The following NOTCH2 variants were observed in gnomAD, a reference collection of about 807,000 sequenced individuals.
NOTCH2 encodes the protein neurogenic locus notch homolog protein 2.
Under a neutral mutation model 235.8 loss-of-function variants are expected in NOTCH2, and 29 were observed. That is an observed-to-expected ratio of 0.12 (90% CI 0.09 to 0.17). NOTCH2 has a LOEUF of 0.17. Among genes scored for constraint, NOTCH2 ranks in the 10% least tolerant of loss-of-function variants. The probability of loss-of-function intolerance (pLI) is 1.00; values close to 1 mark genes in which losing one functional copy is unlikely to be tolerated. For missense variants in NOTCH2, 2,285 were observed against 3,150.2 expected (o/e 0.73, Z 6.57); for synonymous variants, 1,086 against 1,141.5 (o/e 0.95, Z 0.98).
intron 12 of NOTCH2, among the ~76,000 whole-genome samples, chr1:119,958,511 T>C (rs1237764930): frequency 6.6e-6 from 1 of 152,182 alleles, no homozygotes; most frequent in Non-Finnish European, 1.5e-5. Context: ...ATGGAAATTA[T>C]TAAAGGGTAA....
At chr1:119,960,274 G>A (rs587594018) in intron 11 of NOTCH2, among the ~76,000 whole-genome samples, 1 of 152,116 alleles carries the variant, frequency 6.6e-6, no homozygotes, top group East Asian at 1.9e-4. Flanking sequence ...ATCTATCACT[G>A]TGAGCTTGAC....
intron 12 of NOTCH2, 144 bp from the exon 13 acceptor site, chr1:119,955,376 A>C: frequency 1.3e-6 from 1 of 767,936 alleles, no homozygotes; most frequent in Non-Finnish European, 2.3e-6. Flanking sequence ...GTAAGGAATT[A>C]GACACCCAAT....
intron 1 of NOTCH2, among the ~76,000 whole-genome samples, chr1:120,031,116 C>T (rs1386674998): frequency 2.0e-5 from 3 of 151,602 alleles, no homozygotes; most frequent in Non-Finnish European, 4.4e-5. Context: ...CTAACCACAC[C>T]ACTCTATGCA....
chr1:120,047,967 C>A (rs1654859950), intron 1 of NOTCH2, among the ~76,000 whole-genome samples: 1 of 150,206 alleles, frequency 6.7e-6, no homozygotes, highest in Non-Finnish European at 1.5e-5. Flanking sequence ...GGGGTTTTGC[C>A]ACATTGGCCA....
At chr1:119,921,959 A>G in intron 28 of NOTCH2, 150 bp from the exon 29 acceptor site, 2 of 770,556 alleles carry the variant, frequency 2.6e-6, no homozygotes, top group East Asian at 2.7e-5. Context: ...TTTTGGTGAC[A>G]TTCCCTTGGC....
intron 1 of NOTCH2, among the ~76,000 whole-genome samples, chr1:120,041,055 A>G (rs1393555170): frequency 2.5e-4 from 28 of 112,672 alleles, no homozygotes; most frequent in Middle Eastern, 3.8e-3. Context: ...AAAAAAAAAA[A>G]AAAAAAAAAA....
chr1:119,960,010 T>C (rs1392792051), intron 11 of NOTCH2, among the ~76,000 whole-genome samples: 3 of 152,230 alleles, frequency 2.0e-5, no homozygotes, highest in African/African-American at 4.8e-5. Context: ...GCATGCCAAG[T>C]ATGAGAGTTG....
In NOTCH2 at chr1:119,980,788, A is replaced by G. The variant is rs116587939; in HGVS notation, c.874+6172T>C. On this transcript the variant is annotated intron_variant, in intron 5 of 33. Coordinates refer to ENST00000256646, the MANE Select transcript of NOTCH2 (RefSeq NM_024408.4). ...GGCAAGCTGAACAAATAACGCAGTA[A>G]GAGAAGTAAAATATTACAGGAGCTG... 7.9e-3 allele frequency among the ~76,000 whole-genome samples: 1,209 copies of G among 152,268 alleles called. 16 individuals are homozygous for G. The highest frequency in any genetic ancestry group is 0.026 in the African/African-American group (1,092 of 41,544).
intron 24 of NOTCH2, 114 bp from the exon 25 acceptor site, chr1:119,925,924 G>A: frequency 1.6e-6 from 2 of 1,260,736 alleles, no homozygotes; most frequent in Non-Finnish European, 1.1e-6. Flanking sequence ...TTCCCGTTCA[G>A]CCCAAGCCAA....
intron 5 of NOTCH2, among the ~76,000 whole-genome samples, chr1:119,971,066 G>A (rs1489957782): frequency 2.6e-5 from 4 of 152,200 alleles, no homozygotes; most frequent in African/African-American, 2.4e-5. Context: ...CATTACTCGC[G>A]GATGCTAGTT....
chr1:120,026,033 T>C (rs1187848783), intron 2 of NOTCH2, among the ~76,000 whole-genome samples: 1 of 139,290 alleles, frequency 7.2e-6, no homozygotes, highest in Non-Finnish European at 1.5e-5. Flanking sequence ...AATAATTGAG[T>C]TTTATGCAAG....
chr1:119,920,619 A>G (rs866974432), intron 29 of NOTCH2, among the ~76,000 whole-genome samples: 1 of 151,812 alleles, frequency 6.6e-6, no homozygotes, highest in East Asian at 1.9e-4. Flanking sequence ...CCCTCCCCCA[A>G]TCCCAAACTC....
intron 5 of NOTCH2, among the ~76,000 whole-genome samples, chr1:119,982,410 G>C (rs1651845664): frequency 6.6e-6 from 1 of 152,244 alleles, no homozygotes. Context: ...AGAGGAATTT[G>C]TGAGTTGAGC....
At chr1:120,008,901 T>C (rs1354881948) in intron 2 of NOTCH2, among the ~76,000 whole-genome samples, 2 of 151,870 alleles carry the variant, frequency 1.3e-5, no homozygotes, top group South Asian at 4.2e-4. Context: ...AGATGCACAA[T>C]AGATGGAGTT....
chr1:119,957,829 AAC>A (rs3222739), intron 12 of NOTCH2, among the ~76,000 whole-genome samples: 9,017 of 116,248 alleles, frequency 0.078, 325 homozygotes, highest in African/African-American at 0.13. Flanking sequence ...GCCTTATATA[AAC>A]ACACACACAC....
intron 19 of NOTCH2, among the ~76,000 whole-genome samples, 181 bp downstream of exon 19, chr1:119,940,374 T>C (rs1650021759): frequency 6.6e-6 from 1 of 152,226 alleles, no homozygotes. Flanking sequence ...TGAATCTATA[T>C]CATATTGCCA....
At chr1:120,066,622 C>T (rs1261182852) in intron 1 of NOTCH2, among the ~76,000 whole-genome samples, 1 of 151,972 alleles carries the variant, frequency 6.6e-6, no homozygotes, top group Non-Finnish European at 1.5e-5. Context: ...TAAACATTCT[C>T]TAAAGGTCCT....
intron 18 of NOTCH2, 84 bp from the exon 19 acceptor site, chr1:119,940,840 T>C (rs1650039702): frequency 1.6e-6 from 2 of 1,263,340 alleles, no homozygotes; most frequent in African/African-American, 1.5e-5. Flanking sequence ...GAATCTAAGA[T>C]CATACAGAGG....
chr1:120,003,909 T>C (rs1399244349), intron 3 of NOTCH2, among the ~76,000 whole-genome samples: 1 of 151,950 alleles, frequency 6.6e-6, no homozygotes, highest in African/African-American at 2.4e-5. Context: ...TAAGGAGAAT[T>C]TGGTGTGACT....
Sources: allele counts gnomAD v4.1 joint callset (sites outside exome capture counted in the v4.1 genomes callset), GRCh38; gene constraint gnomAD v4.1.1; transcripts MANE v1.5; gene names NCBI Gene and HGNC (gene_info 2026-07-23, HGNC 2026-07-21).